Variants in MYNN observed in about 807,000 individuals in gnomAD.
MYNN encodes zinc finger and BTB domain-containing protein 31.
In MYNN, 22 loss-of-function variants were observed where a neutral mutation model predicts 57.2. That is an observed-to-expected ratio of 0.38 (90% CI 0.27 to 0.55). The LOEUF (loss-of-function observed/expected upper bound fraction) is 0.55. MYNN is among the 20% of genes least tolerant of loss of function. The pLI is 0.71. For synonymous variants in MYNN, 241 were observed against 257.1 expected (o/e 0.94, Z 0.60); for missense variants, 566 against 723.1 (o/e 0.78, Z 2.49).
Position 169,786,423 on chromosome 3 carries a change from TA to T in MYNN, c.1582del (p.Thr528LeufsTer2). ...TTTTTCCTTCCATTCTAGGTGCAGA[TA>T]AAACTCTAGACTCCAGTGCAGAGGA... is the stretch of plus-strand genomic sequence containing the variant. ...HKTKVHSGAD[K>X]TLDSSAEDHT... On this transcript the variant is annotated frameshift_variant, in exon 8 of 8. Coordinates refer to ENST00000349841, the MANE Select transcript of MYNN (RefSeq NM_018657.5). LOFTEE classifies it high-confidence loss of function. The T allele has an allele frequency of 1.9e-6, 3 of 1,609,730 alleles. No homozygotes were observed. The highest frequency in any genetic ancestry group is 2.5e-6 in the Non-Finnish European group (3 of 1,177,060).
At chr3:169,774,199 C>G (rs199548793) in intron 1 of MYNN, 66 bp from the exon 2 acceptor site, 2 of 1,243,794 alleles carry the variant, frequency 1.6e-6, no homozygotes, top group South Asian at 2.8e-5. Context: ...GTCCTCTGTC[C>G]CTTCCCTCAC....
Position 169,788,132 on chromosome 3 carries a change from G to A in MYNN, c.*1454G>A, listed in dbSNP as rs557674963. ...TTTAATTCATTAATTTTCTCTATTT[G>A]GGACCCAAGTCATAAGAACCAATTA... On this transcript the variant is annotated 3_prime_UTR_variant, in exon 8 of 8. Transcript: ENST00000349841. The A allele has an allele frequency of 1.3e-5, 2 of 151,724 alleles. No individual in the cohort carries two copies. The highest frequency in any genetic ancestry group is 4.8e-5 in the African/African-American group (2 of 41,392). 9.4% of individuals were successfully genotyped at this position (151,724 alleles called of 1,614,324 possible). A position where few individuals can be genotyped will look rare whatever the true frequency, so the allele number is the denominator to read the frequency against.
Position 169,779,291 on chromosome 3 carries a change from C to T in MYNN, c.790C>T (p.Gln264Ter). The change falls in exon 3 of 8, where the codon CAG becomes TAG. Residue 264 changes from glutamine to a stop codon, truncating the protein, a stop_gained. Coordinates refer to ENST00000349841, the MANE Select transcript of MYNN (RefSeq NM_018657.5). LOFTEE classifies it high-confidence loss of function. ...AGTGAAACGGAAACGTGGAAAATCA[C>T]AGCCAAACTGTGCTCTGAAAGAACA... The part of the protein sequence containing the change: ...VTVKRKRGKS[Q>*]PNCALKEHSM... 1 of 1,614,176 alleles carries T rather than the reference C, an allele frequency of 6.2e-7. No individual in the cohort carries two copies. The highest frequency in any genetic ancestry group is 8.5e-7 in the Non-Finnish European group (1 of 1,180,048).
At chr3:169,778,531 G>A (rs368939672) in intron 2 of MYNN, 2 of 376,960 alleles carry the variant, frequency 5.3e-6, no homozygotes, top group Non-Finnish European at 4.7e-6. Context: ...TTCTGCAGTG[G>A]TTCACTGTCA....
In MYNN at chr3:169,787,354, A is replaced by G. The variant is rs1194928767; in HGVS notation, c.*676A>G. The G allele has an allele frequency of 1.3e-5, 2 of 152,054 alleles. No individual in the cohort carries two copies. The highest frequency in any genetic ancestry group is 4.8e-5 in the African/African-American group (2 of 41,436). The allele number at this position is 152,054 out of a possible 1,614,324, so 9.4% of individuals were successfully genotyped here. Reference sequence around the variant, plus strand: ...TTTGGTTTGAGTTATCTGAGATTGTATTTTCAAAATGAATTTTAAGTAGAT... The same window carrying G: ...TTTGGTTTGAGTTATCTGAGATTGTGTTTTCAAAATGAATTTTAAGTAGAT... On this transcript the variant is annotated 3_prime_UTR_variant, in exon 8 of 8. Transcript: ENST00000349841.
intron 2 of MYNN, among the ~76,000 whole-genome samples, chr3:169,776,904 G>A (rs1778364299): frequency 6.6e-6 from 1 of 152,036 alleles, no homozygotes; most frequent in Non-Finnish European, 1.5e-5. Context: ...GTTTTACCAT[G>A]TTGGCCAGGC....
chr3:169,780,809 T>TA, intron 4 of MYNN, 60 bp downstream of exon 4: 6 of 1,275,266 alleles, frequency 4.7e-6, no homozygotes, highest in Non-Finnish European at 5.4e-6. Flanking sequence ...GTCTTATGAA[T>TA]AGACTATTAT....
At chr3:169,781,691 G>A (rs1389676558) in intron 4 of MYNN, among the ~76,000 whole-genome samples, 1 of 152,216 alleles carries the variant, frequency 6.6e-6, no homozygotes, top group Non-Finnish European at 1.5e-5. Flanking sequence ...CCAGATGGGA[G>A]TGGTCAATTG....
rs1279221813 is a variant in MYNN at position 169,789,384 on chromosome 3, C to CA, written c.*2707dup. On this transcript the variant is annotated 3_prime_UTR_variant, in exon 8 of 8. Coordinates refer to ENST00000349841, the MANE Select transcript of MYNN (RefSeq NM_018657.5). Reference sequence around the variant, plus strand: ...TTCTAAATAGTTCTAACATTTAATGCATATCAGAAACATGCTTAAGAAATA... The same window carrying CA: ...TTCTAAATAGTTCTAACATTTAATGCAATATCAGAAACATGCTTAAGAAATA... 3.9e-5 allele frequency: 6 copies of CA among 152,200 alleles called. 1 individual carries two copies. In the South Asian group the frequency reaches 8.3e-4, roughly 21 times the overall value. The allele number at this position is 152,200 out of a possible 1,614,324, so 9.4% of individuals were successfully genotyped here. A position where few individuals can be genotyped will look rare whatever the true frequency, so the allele number is the denominator to read the frequency against.
intron 2 of MYNN, chr3:169,777,327 A>G (rs919040209): frequency 5.9e-5 from 9 of 152,194 alleles, no homozygotes; most frequent in Admixed American, 1.3e-4. Context: ...AGTCCTTTAA[A>G]ATAGTATCAC....
chr3:169,774,111 G>T, intron 1 of MYNN, 154 bp from the exon 2 acceptor site: 1 of 601,710 alleles, frequency 1.7e-6, no homozygotes, highest in Non-Finnish European at 2.9e-6. Context: ...ACCAAAGATA[G>T]AAAGGCACTC....
intron 6 of MYNN, among the ~76,000 whole-genome samples, chr3:169,784,337 A>G (rs1384129198): frequency 2.0e-5 from 3 of 152,004 alleles, no homozygotes; most frequent in Non-Finnish European, 4.4e-5. Context: ...TAAATGTTTC[A>G]TAGAAATACA....
At position 169,774,079 on chromosome 3, in the gene MYNN, AT is replaced by A. The variant is rs952570872; in HGVS notation, c.-31-184del. 1.6e-5 allele frequency: 9 copies of A among 563,658 alleles called. No individual in the cohort carries two copies. In the Admixed American group the frequency reaches 2.7e-4, roughly 17 times the overall value. The allele number at this position is 563,658 out of a possible 1,614,324, so 34.9% of individuals were successfully genotyped here. A position where few individuals can be genotyped will look rare whatever the true frequency, so the allele number is the denominator to read the frequency against. ...CGTCACTTATTGATGTGTCCAAAGGATTGTGTTAGTTGATCAAGGTAACCAA... is the reference window on the plus strand; with the variant it reads ...CGTCACTTATTGATGTGTCCAAAGGATGTGTTAGTTGATCAAGGTAACCAA... On this transcript the variant is annotated intron_variant, in intron 1 of 7. Coordinates refer to ENST00000349841, the MANE Select transcript of MYNN (RefSeq NM_018657.5).
At position 169,786,403 on chromosome 3, in the gene MYNN, C is replaced by G. The variant is rs1200775109; in HGVS notation, c.1571-13C>G. 6.3e-7 allele frequency: 1 copy of G among 1,580,832 alleles called. No homozygotes were observed. Among genetic ancestry groups the G allele is most frequent in the Non-Finnish European group, 8.6e-7 (1 of 1,165,068 alleles). ...TTAAAGATAATGTAGATTTTTTTTTCCTTCCATTCTAGGTGCAGATAAAAC... is the reference window on the plus strand; with the variant it reads ...TTAAAGATAATGTAGATTTTTTTTTGCTTCCATTCTAGGTGCAGATAAAAC... On this transcript the variant is annotated splice_polypyrimidine_tract_variant and intron_variant, in intron 7 of 7. Coordinates refer to ENST00000349841, the MANE Select transcript of MYNN (RefSeq NM_018657.5).
intron 6 of MYNN, 37 bp from the exon 7 acceptor site, chr3:169,784,585 A>C (rs1179931632): frequency 7.3e-7 from 1 of 1,363,288 alleles, no homozygotes; most frequent in South Asian, 1.3e-5. Context: ...AGCAGCTTTT[A>C]AAATATTGAA....
chr3:169,784,829 C>A, intron 7 of MYNN, 121 bp downstream of exon 7: 25 of 497,550 alleles, frequency 5.0e-5, no homozygotes, highest in East Asian at 2.2e-4. Context: ...ATGTCTATTT[C>A]AAAAACTAGG....
Position 169,782,534 on chromosome 3 carries a change from G to C in MYNN, c.1290G>C (p.Leu430=), listed in dbSNP as rs1437078075. 6.2e-7 allele frequency: 1 copy of C among 1,614,022 alleles called. No homozygotes were observed. Reference sequence around the variant, plus strand: ...AGAGATTTGCTCAAGCCAGCACACTGACCTATCATGTCCGTAGGCATACTG... The same window carrying C: ...AGAGATTTGCTCAAGCCAGCACACTCACCTATCATGTCCGTAGGCATACTG... ...CGQRFAQAST[L]TYHVRRHTGE... Residue 430 remains leucine (L), a synonymous_variant, in exon 5 of 8, where the codon CTG becomes CTC. Transcript: ENST00000349841. This position sits in a 1 kb window ranked among gnomAD's most constrained non-coding sequence, Gnocchi z 4.8.
chr3:169,778,820 G>T lies in MYNN; in HGVS notation c.319G>T (p.Val107Leu). 1 of 1,612,106 alleles carries T rather than the reference G, an allele frequency of 6.2e-7. No homozygotes were observed. Among genetic ancestry groups the T allele is most frequent in the Non-Finnish European group, 8.5e-7 (1 of 1,179,358 alleles). ...TGCTGACTATCTCAAAGTGGAAGAG[G>T]TGGTCACTAAATGCAAAATAAAGAT... is the stretch of plus-strand genomic sequence containing the variant. ...QAADYLKVEEVVTKCKIKMED... is the reference protein window; with the variant it reads ...QAADYLKVEELVTKCKIKMED... Residue 107 changes from valine to leucine, a missense_variant, in exon 3 of 8, where the codon GTG becomes TTG. Physicochemically the swap from Val to Leu is conservative, Grantham distance 32 (BLOSUM62 1). Transcript: ENST00000349841.
At chr3:169,785,258 G>A (rs1341703483) in intron 7 of MYNN, among the ~76,000 whole-genome samples, 2 of 151,928 alleles carry the variant, frequency 1.3e-5, no homozygotes, top group African/African-American at 2.4e-5. Flanking sequence ...GTCATTATTC[G>A]ACATGACACT....
Sources: allele counts gnomAD v4.1 joint callset (sites outside exome capture counted in the v4.1 genomes callset), GRCh38; gene constraint gnomAD v4.1.1; non-coding constraint Gnocchi (gnomAD v3.1); transcripts MANE v1.5; gene names NCBI Gene and HGNC (gene_info 2026-07-23, HGNC 2026-07-21).